The following IGFL2 variants were observed in gnomAD, a reference collection of about 807,000 sequenced individuals.
The protein encoded by IGFL2 is insulin growth factor-like family member 2.
In IGFL2, 7 loss-of-function variants were observed where a neutral mutation model predicts 13.9. The ratio of observed to expected loss-of-function variants is 0.51; its 90% CI spans 0.29 to 0.95. The LOEUF (loss-of-function observed/expected upper bound fraction) is 0.95, where lower values mean the gene tolerates loss of function less well. IGFL2 is among the 40% of genes least tolerant of loss of function. IGFL2 has a pLI of 0.08. For missense variants in IGFL2, 138 were observed against 147.8 expected, an observed-to-expected ratio of 0.93 and a Z score of 0.34; for synonymous variants, 55 against 55.8, an observed-to-expected ratio of 0.99 and a Z score of 0.07.
chr19:46,127,361 AGAAG>A, the IGFL2 span, among the ~76,000 whole-genome samples: 1 of 152,214 alleles, frequency 6.6e-6, no homozygotes, highest in Non-Finnish European at 1.5e-5. Flanking sequence ...CAAAGAAAGA[AGAAG>A]GAAGGAAGGA....
the IGFL2 span, among the ~76,000 whole-genome samples, chr19:46,104,477 G>C: frequency 6.6e-6 from 1 of 152,152 alleles, no homozygotes; most frequent in African/African-American, 2.4e-5. Flanking sequence ...ACTGTATAGA[G>C]GTAGGAAGGC....
At chr19:46,196,064 A>G in the IGFL2 span, 1 of 152,794 alleles carries the variant, frequency 6.5e-6, no homozygotes, top group Non-Finnish European at 1.5e-5. Context: ...CCTGGCATCA[A>G]ATCCACCATG....
At chr19:46,168,670 T>A in the IGFL2 span, among the ~76,000 whole-genome samples, 2 of 152,116 alleles carry the variant, frequency 1.3e-5, no homozygotes, top group Middle Eastern at 3.2e-3. Flanking sequence ...CTTGTCCCCC[T>A]TTTTTTGCCT....
chr19:46,114,686 C>T, the IGFL2 span, among the ~76,000 whole-genome samples: 1 of 152,174 alleles, frequency 6.6e-6, no homozygotes, highest in African/African-American at 2.4e-5. Context: ...TCTCTCTCTC[C>T]TGCCACCATG....
chr19:46,189,100 C>T, the IGFL2 span: 1 of 161,394 alleles, frequency 6.2e-6, no homozygotes, highest in Non-Finnish European at 1.3e-5. Flanking sequence ...GCCCCGAATG[C>T]CAGGCTGCGC....
the IGFL2 span, among the ~76,000 whole-genome samples, chr19:46,110,001 G>A: frequency 6.6e-6 from 1 of 152,160 alleles, no homozygotes; most frequent in Non-Finnish European, 1.5e-5. Flanking sequence ...TCTGTTTTTC[G>A]TCTGAGCTGC....
At chr19:46,198,144 C>T in the IGFL2 span, 2 of 149,614 alleles carry the variant, frequency 1.3e-5, no homozygotes, top group Non-Finnish European at 3.0e-5. Context: ...GGGTCTCACT[C>T]TGTTGCCCAG....
chr19:46,178,904 C>T, the IGFL2 span, among the ~76,000 whole-genome samples: 1 of 152,330 alleles, frequency 6.6e-6, no homozygotes, highest in Admixed American at 6.5e-5. Flanking sequence ...AGAACTTCCT[C>T]GACTCTGTTC....
chr19:46,180,879 C>G, the IGFL2 span, among the ~76,000 whole-genome samples: 1 of 152,216 alleles, frequency 6.6e-6, no homozygotes, highest in Non-Finnish European at 1.5e-5. Flanking sequence ...AGCAAGTTGA[C>G]TCATTCCGTT....
intron 1 of IGFL2, among the ~76,000 whole-genome samples, chr19:46,155,185 A>C (rs1346291310): frequency 6.6e-6 from 1 of 152,160 alleles, no homozygotes; most frequent in Non-Finnish European, 1.5e-5. Flanking sequence ...TGGATGGGAG[A>C]AGGAGCCCCG....
chr19:46,083,022 T>G, the IGFL2 span, among the ~76,000 whole-genome samples: 1 of 152,234 alleles, frequency 6.6e-6, no homozygotes, highest in African/African-American at 2.4e-5. Context: ...TATTGGCAAC[T>G]GTCCTATGTG....
chr19:46,161,614 T>G (rs1165678462), downstream of IGFL2, among the ~76,000 whole-genome samples: 1 of 152,246 alleles, frequency 6.6e-6, no homozygotes, highest in East Asian at 1.9e-4. Flanking sequence ...GTTTAATGTC[T>G]TTGTCTGAAA....
chr19:46,108,554 G>T, the IGFL2 span, among the ~76,000 whole-genome samples: 7 of 152,102 alleles, frequency 4.6e-5, no homozygotes, highest in Non-Finnish European at 8.8e-5. Flanking sequence ...GTGGAAGGTT[G>T]CCCATAGTGA....
intron 1 of IGFL2, chr19:46,160,028 C>G (rs1974058103): frequency 1.5e-5 from 4 of 262,550 alleles, no homozygotes; most frequent in African/African-American, 8.9e-5. Flanking sequence ...ATCTCCAAGA[C>G]AATCCTGCAC....
At position 46,161,118 on chromosome 19, in the gene IGFL2, TA is replaced by T; in HGVS notation, c.*32del. ...ACATAGAAAGAAAATCAACTTTCAC[TA>T]AGGCATCTCAGAAACATAGGCTAAG... On this transcript the variant is annotated 3_prime_UTR_variant, in exon 4 of 4. Coordinates refer to ENST00000377693, the MANE Select transcript of IGFL2 (RefSeq NM_001135113.2). 1 of 1,557,888 alleles carries T rather than the reference TA, an allele frequency of 6.4e-7. No homozygotes were observed. The highest frequency in any genetic ancestry group is 8.8e-7 in the Non-Finnish European group (1 of 1,140,614).
chr19:46,160,971 A>G (rs978902763), intron 3 of IGFL2, 90 bp downstream of exon 3: 2 of 1,550,554 alleles, frequency 1.3e-6, no homozygotes, highest in Non-Finnish European at 1.8e-6. Context: ...CCTTTTGAAG[A>G]GCCCTGGCCC....
chr19:46,154,165 A>T (rs1194315726), intron 1 of IGFL2, among the ~76,000 whole-genome samples: 1 of 150,728 alleles, frequency 6.6e-6, no homozygotes, highest in Admixed American at 6.6e-5. Flanking sequence ...AAGGACAGGA[A>T]CTCATTCTTT....
At chr19:46,197,797 C>T in the IGFL2 span, among the ~76,000 whole-genome samples, 1 of 152,034 alleles carries the variant, frequency 6.6e-6, no homozygotes, top group African/African-American at 2.4e-5. Flanking sequence ...CTCCCAAAGT[C>T]CTGGGATTAA....
chr19:46,121,566 A>G, the IGFL2 span, among the ~76,000 whole-genome samples: 6 of 150,422 alleles, frequency 4.0e-5, 1 homozygote, highest in Admixed American at 2.7e-4. Context: ...ATTATGAGAC[A>G]AAGACAAGAA....
Sources: gnomAD v4.1 joint callset for allele counts (sites outside exome capture counted in the v4.1 genomes callset) on GRCh38, gnomAD v4.1.1 for gene constraint, MANE v1.5 for transcripts, NCBI Gene and HGNC (gene_info 2026-07-23, HGNC 2026-07-21) for gene names.